RIN2: variants seen among roughly 807,000 people sequenced by gnomAD.
The protein encoded by RIN2 is Ras and Rab interactor 2, also known as RAB5 interacting protein 2.
RIN2 carries 36 observed loss-of-function variants against 78.0 expected under a neutral mutation model. The ratio of observed to expected loss-of-function variants is 0.46; its 90% CI spans 0.35 to 0.61. RIN2 has a LOEUF of 0.61. RIN2 is among the 20% of genes least tolerant of loss of function. The probability of loss-of-function intolerance (pLI) is 0.00; values close to 1 mark genes in which losing one functional copy is unlikely to be tolerated. For synonymous variants in RIN2, 466 were observed against 466.8 expected, an observed-to-expected ratio of 1.00 and a Z score of 0.02; for missense variants, 1,087 against 1,159.7, an observed-to-expected ratio of 0.94 and a Z score of 0.91.
intron 4 of RIN2, among the ~76,000 whole-genome samples, chr20:19,942,922 A>G (rs1213147708): frequency 1.3e-5 from 2 of 152,230 alleles, no homozygotes; most frequent in Non-Finnish European, 2.9e-5. Flanking sequence ...TAGGCTTTGC[A>G]TTGCTGCTAT....
chr20:19,950,115 G>A (rs2041253930), intron 4 of RIN2, among the ~76,000 whole-genome samples: 2 of 152,234 alleles, frequency 1.3e-5, no homozygotes, highest in African/African-American at 2.4e-5. Flanking sequence ...CCCTTCCAAA[G>A]TGGATGGAAT....
intron 3 of RIN2, among the ~76,000 whole-genome samples, chr20:19,911,626 C>G (rs1600773345): frequency 1.3e-5 from 2 of 152,202 alleles, no homozygotes; most frequent in African/African-American, 4.8e-5. Flanking sequence ...AGAGCTTGTT[C>G]ATTGCTCTGG....
At chr20:19,891,823 C>T (rs547885516) in intron 3 of RIN2, among the ~76,000 whole-genome samples, 1 of 151,970 alleles carries the variant, frequency 6.6e-6, no homozygotes, top group Non-Finnish European at 1.5e-5. Flanking sequence ...AGCAAGACTC[C>T]ATCTAAAAAA....
chr20:19,854,397 T>C (rs1315786136), intron 2 of RIN2, among the ~76,000 whole-genome samples: 3 of 152,250 alleles, frequency 2.0e-5, no homozygotes, highest in African/African-American at 4.8e-5. Context: ...TTTAAAGTAG[T>C]TTTTCCCAAT....
chr20:19,795,724 T>C lies in RIN2; in HGVS notation c.-162-3898T>C, dbSNP rs2035033836. On this transcript the variant is annotated intron_variant, in intron 1 of 12. Transcript: ENST00000255006. ...CATTGTGTCAAATCCAAATTGGAAA[T>C]ATGTCCTAGAATGCTAAAACTCAGT... Among the ~76,000 whole-genome samples, 5 of 152,044 alleles carry C rather than the reference T, an allele frequency of 3.3e-5. No individual in the cohort carries two copies. In the South Asian group the frequency reaches 1.0e-3, roughly 32 times the overall value.
chr20:19,902,007 C>T (rs1286432280), intron 3 of RIN2, among the ~76,000 whole-genome samples: 1 of 101,272 alleles, frequency 9.9e-6, no homozygotes, highest in African/African-American at 3.8e-5. Context: ...CAGAACGAGA[C>T]TCTGTCTCAA....
chr20:19,963,035 G>A (rs1186086722), intron 6 of RIN2, among the ~76,000 whole-genome samples: 1 of 152,108 alleles, frequency 6.6e-6, no homozygotes, highest in African/African-American at 2.4e-5. Flanking sequence ...CTCATATTTG[G>A]AAACAATGCT....
chr20:19,878,751 C>T (rs2037933358), intron 2 of RIN2, among the ~76,000 whole-genome samples: 1 of 152,156 alleles, frequency 6.6e-6, no homozygotes, highest in African/African-American at 2.4e-5. Flanking sequence ...CAACTCAGAC[C>T]ATCCATCCAT....
chr20:19,847,726 T>G (rs1426510482), intron 2 of RIN2, among the ~76,000 whole-genome samples: 1 of 152,346 alleles, frequency 6.6e-6, no homozygotes, highest in Admixed American at 6.5e-5. Context: ...TTTAGATATA[T>G]TGGGAAATTA....
At chr20:19,924,190 C>CTCCCACCTTCATACCCTCA (rs146441577) in intron 3 of RIN2, among the ~76,000 whole-genome samples, 1 of 53,902 alleles carries the variant, frequency 1.9e-5, no homozygotes, top group African/African-American at 1.4e-4. Context: ...CACCTTCATA[C>CTCCCACCTTCATACCCTCA]CCCACCTTCA....
intron 3 of RIN2, among the ~76,000 whole-genome samples, chr20:19,913,889 G>A (rs980640858): frequency 2.0e-5 from 3 of 152,190 alleles, no homozygotes; most frequent in Admixed American, 6.5e-5. Flanking sequence ...TGCTATGAAT[G>A]TGGATTAGAA....
intron 2 of RIN2, among the ~76,000 whole-genome samples, chr20:19,818,937 A>G (rs13037334): frequency 0.28 from 43,324 of 152,202 alleles, 6,570 homozygotes; most frequent in African/African-American, 0.4. Flanking sequence ...ATTTGTGTTA[A>G]CATGAAAAGA....
intron 2 of RIN2, among the ~76,000 whole-genome samples, chr20:19,883,144 T>A (rs1309458416): frequency 6.6e-6 from 1 of 151,972 alleles, no homozygotes; most frequent in African/African-American, 2.4e-5. Flanking sequence ...ATATTCCAAG[T>A]GAGTTGAGTC....
At chr20:19,995,817 C>CT (rs376477054) in intron 11 of RIN2, among the ~76,000 whole-genome samples, 8 of 151,926 alleles carry the variant, frequency 5.3e-5, no homozygotes, top group African/African-American at 1.4e-4. Flanking sequence ...TTCCTTTTTA[C>CT]TTTTTTTTAA....
intron 2 of RIN2, among the ~76,000 whole-genome samples, chr20:19,861,348 C>G (rs2037326880): frequency 6.6e-6 from 1 of 152,224 alleles, no homozygotes; most frequent in Admixed American, 6.5e-5. Context: ...TGTTCCACCA[C>G]AGCCCTTCCC....
intron 2 of RIN2, among the ~76,000 whole-genome samples, chr20:19,847,468 G>C (rs954115490): frequency 2.0e-5 from 3 of 152,182 alleles, no homozygotes; most frequent in African/African-American, 7.2e-5. Flanking sequence ...GAGGTGCCTA[G>C]ACTGGCAGTG....
At position 19,809,174 on chromosome 20, in the gene RIN2, C is replaced by A. The variant is rs181061300; in HGVS notation, c.-37+9427C>A. ...CAAACCACGTCCATATACTTCACAGCTGGGGCAGAAGATCAGGGGAAAATT... is the reference window on the plus strand; with the variant it reads ...CAAACCACGTCCATATACTTCACAGATGGGGCAGAAGATCAGGGGAAAATT... On this transcript the variant is annotated intron_variant, in intron 2 of 12. Transcript: ENST00000255006. The A allele has an allele frequency of 1.0e-2, 1,517 of 152,404 alleles. 24 individuals carry two copies. The highest frequency in any genetic ancestry group is 0.035 in the African/African-American group (1,438 of 41,560). The allele number at this position is 152,404 out of a possible 1,614,324, so 9.4% of individuals were successfully genotyped here.
intron 3 of RIN2, among the ~76,000 whole-genome samples, chr20:19,898,604 C>G (rs76329962): frequency 0.011 from 1,639 of 152,314 alleles, 26 homozygotes; most frequent in African/African-American, 0.038. Flanking sequence ...AAAATCCAAA[C>G]TGGTAACATC....
intron 9 of RIN2, among the ~76,000 whole-genome samples, chr20:19,978,857 G>C (rs1427258138): frequency 6.6e-6 from 1 of 152,214 alleles, no homozygotes; most frequent in Non-Finnish European, 1.5e-5. Flanking sequence ...AATAAGAAGT[G>C]TGCAGTTTGG....
Sources: allele counts gnomAD v4.1 joint callset (sites outside exome capture counted in the v4.1 genomes callset), GRCh38; gene constraint gnomAD v4.1.1; transcripts MANE v1.5; gene names NCBI Gene and HGNC (gene_info 2026-07-23, HGNC 2026-07-21).